Variants in SLC1A3 observed in about 807,000 individuals in gnomAD.
The protein encoded by SLC1A3 is solute carrier family 1 member 3.
SLC1A3 carries 21 observed loss-of-function variants against 48.1 expected under a neutral mutation model. That is an observed-to-expected ratio of 0.44 (90% confidence interval 0.31 to 0.63). The LOEUF (loss-of-function observed/expected upper bound fraction) is 0.63. SLC1A3 is among the 20% of genes least tolerant of loss of function. The probability of loss-of-function intolerance (pLI) is 0.08; values close to 1 mark genes in which losing one functional copy is unlikely to be tolerated. For synonymous variants in SLC1A3, 239 were observed against 251.4 expected (o/e 0.95, Z 0.47); for missense variants, 546 against 689.0 (o/e 0.79, Z 2.32).
chr5:36,648,860 T>G (rs1014363338), intron 3 of SLC1A3, among the ~76,000 whole-genome samples: 5 of 151,872 alleles, frequency 3.3e-5, no homozygotes, highest in East Asian at 1.9e-4. Context: ...AAGATTGCAA[T>G]AGAAGAAAAA....
chr5:36,615,194 C>T (rs1300714493), intron 2 of SLC1A3, among the ~76,000 whole-genome samples: 2 of 152,090 alleles, frequency 1.3e-5, no homozygotes, highest in African/African-American at 2.4e-5. Context: ...GGTACAGGCC[C>T]GGCTCCATCA....
At chr5:36,623,196 T>A (rs1018288568) in intron 2 of SLC1A3, among the ~76,000 whole-genome samples, 2 of 152,148 alleles carry the variant, frequency 1.3e-5, no homozygotes, top group African/African-American at 4.8e-5. Flanking sequence ...GTCAATATAT[T>A]TTCTAGATTC....
chr5:36,656,735 C>T (rs1456464676), intron 3 of SLC1A3, among the ~76,000 whole-genome samples: 1 of 152,224 alleles, frequency 6.6e-6, no homozygotes, highest in Non-Finnish European at 1.5e-5. Flanking sequence ...TTCTCACCTG[C>T]TGAATTTGCA....
chr5:36,639,159 G>A (rs1034916419), intron 3 of SLC1A3, among the ~76,000 whole-genome samples: 1 of 152,202 alleles, frequency 6.6e-6, no homozygotes, highest in African/African-American at 2.4e-5. Flanking sequence ...TGGAAGCCCA[G>A]CGTGGCCACT....
rs79807101 is a variant in SLC1A3 at position 36,620,065 on chromosome 5, T to C, written c.182-9385T>C. 2.8e-3 allele frequency among the ~76,000 whole-genome samples: 423 copies of C among 152,312 alleles called. 2 individuals carry two copies. Among genetic ancestry groups the C allele is most frequent in the African/African-American group, 9.7e-3 (405 of 41,560 alleles). On this transcript the variant is annotated intron_variant, in intron 2 of 9. Transcript: ENST00000265113. ...GAAGAGATTGTGTGATTTGAAGATA[T>C]GGAAACAGGCAGACCTAAGTTTGCC...
At position 36,671,153 on chromosome 5, in the gene SLC1A3, G is replaced by A; in HGVS notation, c.444G>A (p.Gly148=). 6.2e-7 allele frequency: 1 copy of A among 1,613,940 alleles called. No individual in the cohort carries two copies. The highest frequency in any genetic ancestry group is 8.5e-7 in the Non-Finnish European group (1 of 1,179,840). ...TCATTGTCATCATCATCCATCCTGG[G>A]AAGGGCACAAAGGAAAACATGCACA... ...GIIIVIIIHP[G]KGTKENMHRE... is the part of the protein sequence containing the mutation. The change falls in exon 4 of 10, where the codon GGG becomes GGA. Residue 148 remains glycine (G), a synonymous_variant. Coordinates refer to ENST00000265113, the MANE Select transcript of SLC1A3 (RefSeq NM_004172.5).
intron 1 of SLC1A3, among the ~76,000 whole-genome samples, chr5:36,599,780 G>A (rs965078467): frequency 1.4e-4 from 22 of 151,734 alleles, no homozygotes; most frequent in Non-Finnish European, 2.4e-4. Flanking sequence ...TGCTGCTGTG[G>A]TTGAACTTTT....
intron 1 of SLC1A3, among the ~76,000 whole-genome samples, chr5:36,599,663 C>T (rs1442072080): frequency 6.8e-6 from 1 of 147,688 alleles, no homozygotes; most frequent in Non-Finnish European, 1.5e-5. Flanking sequence ...GTGTGCGCCA[C>T]CACGCCTGCT....
At chr5:36,658,138 A>C (rs1741356622) in intron 3 of SLC1A3, among the ~76,000 whole-genome samples, 1 of 152,170 alleles carries the variant, frequency 6.6e-6, no homozygotes. Flanking sequence ...TATAAAACAA[A>C]GCGCCCCACG....
intron 2 of SLC1A3, among the ~76,000 whole-genome samples, chr5:36,622,717 A>C (rs1403757611): frequency 6.6e-6 from 1 of 152,134 alleles, no homozygotes; most frequent in Non-Finnish European, 1.5e-5. Flanking sequence ...TTTCCAAAGA[A>C]GTATTTGTTG....
chr5:36,624,772 C>G (rs549988861), intron 2 of SLC1A3, among the ~76,000 whole-genome samples: 1 of 152,032 alleles, frequency 6.6e-6, no homozygotes, highest in East Asian at 1.9e-4. Flanking sequence ...AATTAATAAG[C>G]TTTATATAAG....
intron 2 of SLC1A3, among the ~76,000 whole-genome samples, chr5:36,623,296 A>C (rs1440893065): frequency 6.6e-6 from 1 of 152,240 alleles, no homozygotes; most frequent in African/African-American, 2.4e-5. Context: ...AATATTGCTC[A>C]TGACATCCAT....
At chr5:36,666,328 G>A (rs1350259036) in intron 3 of SLC1A3, 1 of 152,120 alleles carries the variant, frequency 6.6e-6, no homozygotes, top group East Asian at 1.9e-4. Flanking sequence ...ATTCTAGGAG[G>A]GTTGAGAACA....
intron 3 of SLC1A3, among the ~76,000 whole-genome samples, chr5:36,651,816 GT>G (rs1579998367): frequency 1.3e-5 from 2 of 152,076 alleles, no homozygotes; most frequent in African/African-American, 4.8e-5. Context: ...AGAGTCTTAA[GT>G]TATTTTATAA....
chr5:36,621,466 G>A (rs1237320116), intron 2 of SLC1A3, among the ~76,000 whole-genome samples: 1 of 152,138 alleles, frequency 6.6e-6, no homozygotes, highest in Non-Finnish European at 1.5e-5. Flanking sequence ...GGAGTCAGTG[G>A]AGGGAGTAGG....
intron 2 of SLC1A3, among the ~76,000 whole-genome samples, chr5:36,612,085 GCACA>G (rs144428325): frequency 1.4e-5 from 2 of 147,864 alleles, no homozygotes; most frequent in East Asian, 2.0e-4. Context: ...ACACACACAC[GCACA>G]CACACACACA....
At chr5:36,621,727 T>TA (rs1282381275) in intron 2 of SLC1A3, among the ~76,000 whole-genome samples, 1 of 152,192 alleles carries the variant, frequency 6.6e-6, no homozygotes, top group Non-Finnish European at 1.5e-5. Context: ...ATTAATTCCT[T>TA]AAACATTTGT....
In SLC1A3 at chr5:36,676,883, A is replaced by C; in HGVS notation, c.568-9A>C. On this transcript the variant is annotated splice_polypyrimidine_tract_variant and intron_variant, in intron 5 of 9. Coordinates refer to ENST00000265113, the MANE Select transcript of SLC1A3 (RefSeq NM_004172.5). Reference sequence around the variant, plus strand: ...ACCTTTAATCCTCGTTGTGCTTTTTATTTTTAAGTTTAAAACCAACTATGA... The same window carrying C: ...ACCTTTAATCCTCGTTGTGCTTTTTCTTTTTAAGTTTAAAACCAACTATGA... 2 of 1,608,062 alleles carry C rather than the reference A, an allele frequency of 1.2e-6. No homozygotes were observed. Among genetic ancestry groups the C allele is most frequent in the Non-Finnish European group, 1.7e-6 (2 of 1,176,410 alleles).
At chr5:36,653,216 C>T (rs1374694475) in intron 3 of SLC1A3, among the ~76,000 whole-genome samples, 1 of 152,218 alleles carries the variant, frequency 6.6e-6, no homozygotes, top group Non-Finnish European at 1.5e-5. Context: ...AATTCTTTCA[C>T]GTTCCCTCCC....
Sources: allele counts gnomAD v4.1 joint callset (sites outside exome capture counted in the v4.1 genomes callset), GRCh38; gene constraint gnomAD v4.1.1; transcripts MANE v1.5; gene names NCBI Gene and HGNC (gene_info 2026-07-23, HGNC 2026-07-21).